JARID2: variants seen among roughly 807,000 people sequenced by gnomAD.
JARID2 encodes protein Jumonji.
A neutral mutation model predicts 125.6 loss-of-function variants in JARID2; 21 were observed. The observed-to-expected ratio is 0.17, with a 90% CI of 0.12 to 0.24. The LOEUF (loss-of-function observed/expected upper bound fraction) is 0.24, where lower values mean the gene tolerates loss of function less well. Among genes scored for constraint, JARID2 ranks in the 10% least tolerant of loss-of-function variants. JARID2 has a pLI of 1.00. For synonymous variants in JARID2, 736 were observed against 661.6 expected, an observed-to-expected ratio of 1.11 and a Z score of -1.73; for missense variants, 1,303 against 1,639.6, an observed-to-expected ratio of 0.79 and a Z score of 3.55.
chr6:15,368,194 C>T (rs1487979277), intron 1 of JARID2, among the ~76,000 whole-genome samples: 1 of 152,108 alleles, frequency 6.6e-6, no homozygotes, highest in Non-Finnish European at 1.5e-5. Flanking sequence ...ATATTATGCA[C>T]ACATAGCTTT....
intron 3 of JARID2, among the ~76,000 whole-genome samples, chr6:15,443,569 G>T (rs1190375270): frequency 6.6e-6 from 1 of 152,122 alleles, no homozygotes; most frequent in African/African-American, 2.4e-5. Context: ...TAGAAAGTTG[G>T]CGCTAGAAAT....
At chr6:15,324,128 A>G (rs1159691148) in intron 1 of JARID2, among the ~76,000 whole-genome samples, 2 of 150,992 alleles carry the variant, frequency 1.3e-5, no homozygotes, top group African/African-American at 2.4e-5. Flanking sequence ...GCAGTGAGCC[A>G]AGATTGGGCC....
At chr6:15,399,535 G>A (rs72836313) in intron 2 of JARID2, among the ~76,000 whole-genome samples, 1 of 152,196 alleles carries the variant, frequency 6.6e-6, no homozygotes, top group Non-Finnish European at 1.5e-5. Flanking sequence ...ATATATTTAT[G>A]TTTATATATT....
chr6:15,305,442 C>T (rs756103741), intron 1 of JARID2, among the ~76,000 whole-genome samples: 54 of 152,172 alleles, frequency 3.5e-4, no homozygotes, highest in Non-Finnish European at 4.7e-4. Flanking sequence ...TTCCAGTTTT[C>T]GCCACGCTAA....
At chr6:15,281,924 CTGTGTGTGTGTG>C (rs3138771) in intron 1 of JARID2, among the ~76,000 whole-genome samples, 83 of 146,256 alleles carry the variant, frequency 5.7e-4, no homozygotes, top group East Asian at 2.0e-3. Flanking sequence ...GGTATGTGCT[CTGTGTGTGTGTG>C]TGTGTGTGTG....
At chr6:15,415,730 G>A (rs1415717242) in intron 3 of JARID2, among the ~76,000 whole-genome samples, 3 of 147,564 alleles carry the variant, frequency 2.0e-5, no homozygotes, top group Non-Finnish European at 3.0e-5. Flanking sequence ...GGGGCGGCTG[G>A]CCAGGCGGAG....
At chr6:15,284,695 G>A (rs1050943715) in intron 1 of JARID2, among the ~76,000 whole-genome samples, 34 of 151,914 alleles carry the variant, frequency 2.2e-4, no homozygotes, top group African/African-American at 7.0e-4. Context: ...CCATATTGGC[G>A]AGGCTGGTCT....
Position 15,496,320 on chromosome 6 carries a change from C to T in JARID2, c.1095C>T (p.His365=). 1 of 1,614,218 alleles carries T rather than the reference C, an allele frequency of 6.2e-7. No individual in the cohort carries two copies. Among genetic ancestry groups the T allele is most frequent in the Non-Finnish European group, 8.5e-7 (1 of 1,180,046 alleles). Residue 365 remains histidine, a synonymous_variant, in exon 7 of 18, where the codon CAC becomes CAT. Transcript: ENST00000341776. ...TCAAGGACACCAAACCCAATCACCA[C>T]AAGCCCAGTTCCGCTGTCAACCACA... The part of the protein sequence containing the change: ...ELVKDTKPNH[H]KPSSAVNHTI...
intron 1 of JARID2, among the ~76,000 whole-genome samples, chr6:15,294,821 G>A (rs1219904982): frequency 4.6e-5 from 7 of 152,198 alleles, no homozygotes; most frequent in Non-Finnish European, 5.9e-5. Context: ...TTTGCATATA[G>A]TGAGTGATAC....
At position 15,480,525 on chromosome 6, in the gene JARID2, G is replaced by T. The variant is rs149522428; in HGVS notation, c.671-6782G>T. On this transcript the variant is annotated intron_variant, in intron 5 of 17. Transcript: ENST00000341776. The stretch of plus-strand genomic sequence containing the variant: ...CATGGGTAATTGGCAAGATAGGGGC[G>T]TCTGGTTCTGGGAGGCGCTTGGAGA... Among the ~76,000 whole-genome samples, 3 of 152,282 alleles carry T rather than the reference G, an allele frequency of 2.0e-5. No homozygotes were observed. The East Asian group carries it at 5.8e-4, about 29-fold the overall frequency.
chr6:15,487,682 C>T (rs929469623), intron 6 of JARID2, 140 bp downstream of exon 6: 1 of 752,530 alleles, frequency 1.3e-6, no homozygotes, highest in African/African-American at 1.8e-5. Context: ...ACAGAGCGCA[C>T]CTTTGCATGA....
At chr6:15,449,536 C>G (rs1432036995) in intron 3 of JARID2, among the ~76,000 whole-genome samples, 1 of 151,210 alleles carries the variant, frequency 6.6e-6, no homozygotes, top group Non-Finnish European at 1.5e-5. Context: ...GGTGTGGTGG[C>G]ACATACCAGT....
At chr6:15,502,992 T>C (rs1304581006) in intron 8 of JARID2, among the ~76,000 whole-genome samples, 1 of 152,250 alleles carries the variant, frequency 6.6e-6, no homozygotes, top group Non-Finnish European at 1.5e-5. Flanking sequence ...TGTCAACGTT[T>C]TTACTTTTTA....
At chr6:15,436,612 C>T (rs1308987483) in intron 3 of JARID2, among the ~76,000 whole-genome samples, 2 of 152,078 alleles carry the variant, frequency 1.3e-5, no homozygotes, top group African/African-American at 2.4e-5. Context: ...AGCCAGGGGC[C>T]ACGCCCTTCC....
intron 1 of JARID2, among the ~76,000 whole-genome samples, chr6:15,317,582 G>A (rs1198229923): frequency 6.6e-6 from 1 of 151,738 alleles, no homozygotes; most frequent in African/African-American, 2.4e-5. Context: ...TTCCCCAAAG[G>A]TACCTGAATG....
At chr6:15,343,654 A>G (rs1561804103) in intron 1 of JARID2, among the ~76,000 whole-genome samples, 2 of 152,180 alleles carry the variant, frequency 1.3e-5, no homozygotes, top group Non-Finnish European at 2.9e-5. Flanking sequence ...GTGTCCCCCA[A>G]CATTGAGCAG....
intron 1 of JARID2, among the ~76,000 whole-genome samples, chr6:15,262,004 A>G (rs1194154516): frequency 2.7e-5 from 4 of 147,494 alleles, no homozygotes; most frequent in Non-Finnish European, 6.0e-5. Context: ...CTGGTTTCAA[A>G]CTCCTGACCT....
At chr6:15,508,588 T>G in intron 12 of JARID2, 134 bp downstream of exon 12, 16 of 611,518 alleles carry the variant, frequency 2.6e-5, no homozygotes, top group Non-Finnish European at 3.8e-5. Context: ...TTCAGGCCTG[T>G]CCTGCGTTCC....
chr6:15,518,594 G>A (rs1440900165), intron 17 of JARID2, among the ~76,000 whole-genome samples: 1 of 152,106 alleles, frequency 6.6e-6, no homozygotes, highest in Non-Finnish European at 1.5e-5. Flanking sequence ...CCATTCTCCT[G>A]CTTCAGTTTC....
Sources: allele counts gnomAD v4.1 joint callset (sites outside exome capture counted in the v4.1 genomes callset), GRCh38; gene constraint gnomAD v4.1.1; transcripts MANE v1.5; gene names NCBI Gene and HGNC (gene_info 2026-07-23, HGNC 2026-07-21).